Variants in BAIAP2 observed in about 807,000 individuals in gnomAD.
BAIAP2 encodes the protein BAR/IMD domain-containing adapter protein 2.
A neutral mutation model predicts 63.0 loss-of-function variants in BAIAP2; 18 were observed. The ratio of observed to expected loss-of-function variants is 0.29; its 90% CI spans 0.20 to 0.42. The LOEUF (loss-of-function observed/expected upper bound fraction) is 0.42, where lower values mean the gene tolerates loss of function less well. BAIAP2 is among the 10% of genes least tolerant of loss of function. The pLI is 1.00. For synonymous variants in BAIAP2, 386 were observed against 307.6 expected, an observed-to-expected ratio of 1.25 and a Z score of -2.67; for missense variants, 610 against 734.3, an observed-to-expected ratio of 0.83 and a Z score of 1.96.
chr17:81,050,752 C>T (rs1598525323), intron 1 of BAIAP2, among the ~76,000 whole-genome samples: 2 of 150,628 alleles, frequency 1.3e-5, no homozygotes, highest in African/African-American at 4.9e-5. Context: ...CGTGGACACA[C>T]ATGCACACAT....
intron 6 of BAIAP2, 80 bp from the exon 7 acceptor site, chr17:81,099,848 A>AGTCCGT (rs948185408): frequency 3.8e-5 from 57 of 1,496,956 alleles, no homozygotes; most frequent in Non-Finnish European, 5.1e-5. Context: ...CCTTTGACTG[A>AGTCCGT]GTCCGTGGGG....
intron 1 of BAIAP2, among the ~76,000 whole-genome samples, chr17:81,044,153 C>T (rs979237092): frequency 2.0e-5 from 3 of 152,292 alleles, no homozygotes; most frequent in Admixed American, 6.5e-5. Flanking sequence ...GAGGTGGGGC[C>T]GTACAGGCAT....
At chr17:81,109,601 G>A (rs2059652893) in intron 13 of BAIAP2, 2 of 985,324 alleles carry the variant, frequency 2.0e-6, no homozygotes, top group Non-Finnish European at 2.4e-6. Flanking sequence ...CAAGCTCGAG[G>A]GGCCTCCTGA....
At chr17:81,060,502 G>A (rs1234394434) in intron 3 of BAIAP2, among the ~76,000 whole-genome samples, 3 of 152,154 alleles carry the variant, frequency 2.0e-5, no homozygotes, top group Non-Finnish European at 2.9e-5. Context: ...CCGTCCCTCT[G>A]TGCTATAGCC....
intron 13 of BAIAP2, among the ~76,000 whole-genome samples, chr17:81,111,952 A>T (rs781237129): frequency 6.6e-6 from 1 of 152,246 alleles, no homozygotes; most frequent in Admixed American, 6.5e-5. Flanking sequence ...ACGGGCAGCC[A>T]GGCCACAGGC....
rs116202841 is a variant in BAIAP2 at position 81,048,602 on chromosome 17, C to T, written c.55-5066C>T. Among the ~76,000 whole-genome samples, 670 of 152,072 alleles carry T rather than the reference C, an allele frequency of 4.4e-3. 3 individuals are homozygous for T. The highest frequency in any genetic ancestry group is 0.016 in the African/African-American group (644 of 41,538). ...ATCATAATGGCCATCAGTCTCCAGG[C>T]TGGCCAGCAGTGTCCAGCAGCTCGC... On this transcript the variant is annotated intron_variant, in intron 1 of 13. Coordinates refer to ENST00000428708, the MANE Select transcript of BAIAP2 (RefSeq NM_001144888.2).
At position 81,035,213 on chromosome 17, in the gene BAIAP2, C is replaced by T. The variant is rs751000875; in HGVS notation, c.-42C>T. On this transcript the variant is annotated 5_prime_UTR_variant, in exon 1 of 14. Transcript: ENST00000428708. ...TTACCGCCGCTGCTGCCGCCGCTTG[C>T]GTCCCCCGCTCCGGTCTGTGGTGCA... The T allele has an allele frequency of 9.7e-6, 14 of 1,449,882 alleles. No homozygotes were observed. Among genetic ancestry groups the T allele is most frequent in the Admixed American group, 6.7e-5 (3 of 44,888 alleles). 89.8% of individuals were successfully genotyped at this position (1,449,882 alleles called of 1,614,324 possible).
intron 3 of BAIAP2, among the ~76,000 whole-genome samples, 193 bp downstream of exon 3, chr17:81,058,160 C>T (rs535803546): frequency 1.6e-4 from 25 of 152,290 alleles, no homozygotes; most frequent in African/African-American, 5.5e-4. Context: ...GCTGGGTCCC[C>T]GTCCCCTGAG....
At chr17:81,052,423 C>T (rs1042641787) in intron 1 of BAIAP2, among the ~76,000 whole-genome samples, 4 of 152,224 alleles carry the variant, frequency 2.6e-5, no homozygotes, top group Admixed American at 6.5e-5. Flanking sequence ...ACCCTTGCTG[C>T]GTCCTGGAAG....
intron 13 of BAIAP2, among the ~76,000 whole-genome samples, chr17:81,111,959 A>G (rs1363607738): frequency 1.3e-5 from 2 of 152,248 alleles, no homozygotes; most frequent in Non-Finnish European, 2.9e-5. Context: ...GCCAGGCCAC[A>G]GGCAGATCAT....
At chr17:81,053,779 G>A in intron 2 of BAIAP2, 36 bp downstream of exon 2, 1 of 1,605,042 alleles carries the variant, frequency 6.2e-7, no homozygotes, top group Non-Finnish European at 8.5e-7. Context: ...GGTGGGAGCT[G>A]CCTCCTGAGC....
rs1318058421 is a variant in BAIAP2 at position 81,109,383 on chromosome 17, AAAAAAAAAAAAAG to A, written c.1535+882_1535+894del. On this transcript the variant is annotated intron_variant, in intron 13 of 13. Coordinates refer to ENST00000428708, the MANE Select transcript of BAIAP2 (RefSeq NM_001144888.2). ...AAAAAGAAAAATCTTAAAAAAAAAA[AAAAAAAAAAAAAG>A]AAAAAAAGAAAAACAGGAAAAAGGA... 412 of 1,012,994 alleles carry A rather than the reference AAAAAAAAAAAAAG, an allele frequency of 4.1e-4. 1 individual carries two copies. The highest frequency in any genetic ancestry group is 4.7e-4 in the Non-Finnish European group (396 of 846,306). 62.8% of individuals were successfully genotyped at this position (1,012,994 alleles called of 1,614,324 possible).
At chr17:81,113,373 C>A (rs1185222261) in intron 13 of BAIAP2, among the ~76,000 whole-genome samples, 1 of 152,218 alleles carries the variant, frequency 6.6e-6, no homozygotes, top group East Asian at 1.9e-4. Context: ...CCGGCAGGGA[C>A]CAATGTCTGT....
intron 1 of BAIAP2, among the ~76,000 whole-genome samples, chr17:81,036,407 G>A (rs2046273594): frequency 6.6e-6 from 1 of 152,266 alleles, no homozygotes; most frequent in Non-Finnish European, 1.5e-5. Flanking sequence ...GCCCGGCAGA[G>A]TAACTGTTTC....
intron 1 of BAIAP2, among the ~76,000 whole-genome samples, 175 bp downstream of exon 1, chr17:81,035,483 GC>G (rs1423369333): frequency 6.7e-6 from 1 of 148,542 alleles, no homozygotes; most frequent in African/African-American, 2.4e-5. Flanking sequence ...GGGGTGGTGA[GC>G]CCGGCGCCGG....
chr17:81,112,110 C>T (rs558702410), intron 13 of BAIAP2, among the ~76,000 whole-genome samples: 1 of 152,262 alleles, frequency 6.6e-6, no homozygotes, highest in Admixed American at 6.5e-5. Context: ...TGCCTTCCGC[C>T]TCCATCTTCC....
intron 7 of BAIAP2, among the ~76,000 whole-genome samples, chr17:81,101,542 T>C (rs1431421062): frequency 1.3e-5 from 2 of 152,192 alleles, no homozygotes; most frequent in East Asian, 1.9e-4. Flanking sequence ...CCTGGTCATG[T>C]CTTTCTAAAA....
intron 6 of BAIAP2, among the ~76,000 whole-genome samples, chr17:81,099,278 C>T (rs959158755): frequency 2.0e-5 from 3 of 151,412 alleles, no homozygotes; most frequent in Non-Finnish European, 1.5e-5. Context: ...ACCAGGCAGC[C>T]AGGTGTCTTA....
chr17:81,079,646 G>A (rs1360587363), intron 3 of BAIAP2, among the ~76,000 whole-genome samples: 4 of 152,108 alleles, frequency 2.6e-5, no homozygotes, highest in Non-Finnish European at 5.9e-5. Context: ...ATCCTGAGGC[G>A]TGGCCACCTG....
Sources: allele counts gnomAD v4.1 joint callset (sites outside exome capture counted in the v4.1 genomes callset), GRCh38; gene constraint gnomAD v4.1.1; transcripts MANE v1.5; gene names NCBI Gene and HGNC (gene_info 2026-07-23, HGNC 2026-07-21).